ZNF618: variants seen among roughly 807,000 people sequenced by gnomAD.
The protein encoded by ZNF618 is zinc finger protein 618, also known as neural precursor cell expressed, developmentally down-regulated 10.
In ZNF618, 34 loss-of-function variants were observed where a neutral mutation model predicts 103.0. That is an observed-to-expected ratio of 0.33 (90% CI 0.25 to 0.44). ZNF618 has a LOEUF of 0.44. Ranked by LOEUF, ZNF618 falls within the 20% of genes least tolerant of loss-of-function variation. The pLI is 1.00. For synonymous variants in ZNF618, 551 were observed against 542.2 expected, an observed-to-expected ratio of 1.02 and a Z score of -0.23; for missense variants, 1,059 against 1,295.4, an observed-to-expected ratio of 0.82 and a Z score of 2.80.
At chr9:114,009,798 T>C (rs1351879740) in intron 9 of ZNF618, among the ~76,000 whole-genome samples, 1 of 152,118 alleles carries the variant, frequency 6.6e-6, no homozygotes, top group Non-Finnish European at 1.5e-5. Flanking sequence ...CGATCCCAGC[T>C]CTTGGAAGGG....
chr9:114,023,382 T>C (rs1027557458), intron 10 of ZNF618, among the ~76,000 whole-genome samples: 1 of 152,106 alleles, frequency 6.6e-6, no homozygotes, highest in Non-Finnish European at 1.5e-5. Flanking sequence ...ATATAAAAGC[T>C]TTACAATGGC....
At chr9:114,000,170 C>G (rs893320005) in intron 4 of ZNF618, among the ~76,000 whole-genome samples, 3 of 152,092 alleles carry the variant, frequency 2.0e-5, no homozygotes, top group African/African-American at 7.2e-5. Flanking sequence ...TTGGAGTGAC[C>G]CACAGTAGTA....
intron 2 of ZNF618, among the ~76,000 whole-genome samples, chr9:113,983,501 G>C (rs1045602230): frequency 1.3e-5 from 2 of 152,212 alleles, no homozygotes; most frequent in Non-Finnish European, 2.9e-5. Context: ...GTGGGTGATA[G>C]AGGGTGGCTC....
chr9:113,971,909 T>C (rs1204788607), intron 2 of ZNF618, among the ~76,000 whole-genome samples: 1 of 152,202 alleles, frequency 6.6e-6, no homozygotes. Flanking sequence ...CGCCGGAATA[T>C]GCATCAGGAA....
At chr9:114,028,629 G>A in intron 10 of ZNF618, 104 bp from the exon 11 acceptor site, 5 of 1,418,452 alleles carry the variant, frequency 3.5e-6, no homozygotes, top group South Asian at 2.9e-5. Context: ...GAAGAGGTTG[G>A]ACAGAGACAG....
intron 1 of ZNF618, among the ~76,000 whole-genome samples, chr9:113,921,468 C>T (rs1258702237): frequency 1.3e-5 from 2 of 152,244 alleles, no homozygotes; most frequent in Non-Finnish European, 2.9e-5. Flanking sequence ...TCTCTTTAGC[C>T]AGTCCCTTGA....
intron 1 of ZNF618, among the ~76,000 whole-genome samples, chr9:113,929,761 A>G (rs1263252548): frequency 6.6e-6 from 1 of 152,208 alleles, no homozygotes; most frequent in Non-Finnish European, 1.5e-5. Flanking sequence ...AGTGACAATA[A>G]CATAACCTTT....
At chr9:113,902,994 C>A (rs1250768749) in intron 1 of ZNF618, among the ~76,000 whole-genome samples, 1 of 151,958 alleles carries the variant, frequency 6.6e-6, no homozygotes. Context: ...TGATGTGTAC[C>A]CAGGTGTGGA....
rs1846173648 is a variant in ZNF618, at chr9:114,052,094, A to G, written c.*1927A>G. On this transcript the variant is annotated 3_prime_UTR_variant, in exon 15 of 15. Transcript: ENST00000374126. Reference sequence around the variant, plus strand: ...TCAACTGTGAGATACCTCGACTACAAAAAGCACTGTACCACAGCCCTCTCC... The same window carrying G: ...TCAACTGTGAGATACCTCGACTACAGAAAGCACTGTACCACAGCCCTCTCC... The G allele has an allele frequency of 6.6e-6, 1 of 152,636 alleles. No homozygotes were observed. Among genetic ancestry groups the G allele is most frequent in the African/African-American group, 2.4e-5 (1 of 41,436 alleles). 9.5% of individuals were successfully genotyped at this position (152,636 alleles called of 1,614,324 possible).
intron 10 of ZNF618, among the ~76,000 whole-genome samples, chr9:114,024,085 T>A (rs570995238): frequency 6.6e-6 from 1 of 152,316 alleles, no homozygotes; most frequent in East Asian, 1.9e-4. Context: ...ATCAATAATG[T>A]TTACAGATAA....
chr9:113,928,355 A>T (rs1325249026), intron 1 of ZNF618, among the ~76,000 whole-genome samples: 1 of 152,146 alleles, frequency 6.6e-6, no homozygotes, highest in African/African-American at 2.4e-5. Context: ...AAACATATTA[A>T]TCGTAGTTAT....
chr9:114,042,222 C>A (rs372353465), intron 13 of ZNF618, among the ~76,000 whole-genome samples: 1 of 152,202 alleles, frequency 6.6e-6, no homozygotes, highest in Non-Finnish European at 1.5e-5. Flanking sequence ...CAAAGCTAAT[C>A]GCTGTTACCA....
chr9:113,927,605 A>G (rs982506112), intron 1 of ZNF618, among the ~76,000 whole-genome samples: 12 of 152,208 alleles, frequency 7.9e-5, no homozygotes, highest in Non-Finnish European at 1.2e-4. Flanking sequence ...CAGGAAGGCT[A>G]GAGGAGTCTG....
chr9:114,038,179 C>G (rs1294829896), intron 13 of ZNF618, among the ~76,000 whole-genome samples: 1 of 152,226 alleles, frequency 6.6e-6, no homozygotes, highest in Non-Finnish European at 1.5e-5. Context: ...ACTCCCACAG[C>G]ACAGCCTTCT....
At chr9:113,904,368 C>T (rs1830806003) in intron 1 of ZNF618, among the ~76,000 whole-genome samples, 1 of 152,068 alleles carries the variant, frequency 6.6e-6, no homozygotes, top group Non-Finnish European at 1.5e-5. Context: ...GCTGTTTCAA[C>T]ATCCATAAAG....
chr9:114,017,956 G>T (rs942786179), intron 10 of ZNF618, among the ~76,000 whole-genome samples: 1 of 152,170 alleles, frequency 6.6e-6, no homozygotes, highest in Non-Finnish European at 1.5e-5. Flanking sequence ...CAGTCCTGAG[G>T]TCGAGCACTG....
At chr9:113,932,366 C>G (rs1833668272) in intron 1 of ZNF618, among the ~76,000 whole-genome samples, 1 of 151,994 alleles carries the variant, frequency 6.6e-6, no homozygotes, top group South Asian at 2.1e-4. Flanking sequence ...GTAGCCAGGT[C>G]ACGGAGGGTC....
intron 1 of ZNF618, among the ~76,000 whole-genome samples, chr9:113,968,358 A>G (rs188932877): frequency 6.6e-6 from 1 of 152,350 alleles, no homozygotes; most frequent in Admixed American, 6.5e-5. Flanking sequence ...GACCTGTATT[A>G]TCCTATGATT....
intron 1 of ZNF618, among the ~76,000 whole-genome samples, chr9:113,965,015 A>G (rs115442423): frequency 0.029 from 4,225 of 146,180 alleles, 203 homozygotes; most frequent in African/African-American, 0.1. Flanking sequence ...AAAAAAATGT[A>G]ATCATATAAG....
Sources: allele counts gnomAD v4.1 joint callset (sites outside exome capture counted in the v4.1 genomes callset), GRCh38; gene constraint gnomAD v4.1.1; transcripts MANE v1.5; gene names NCBI Gene and HGNC (gene_info 2026-07-23, HGNC 2026-07-21).